Variants in ZPBP2 observed in about 807,000 individuals in gnomAD.
ZPBP2 encodes the protein zona pellucida-binding protein 2.
A neutral mutation model predicts 37.5 loss-of-function variants in ZPBP2; 34 were observed. That is an observed-to-expected ratio of 0.91 (90% CI 0.69 to 1.21). The LOEUF (loss-of-function observed/expected upper bound fraction) is 1.21. ZPBP2 is among the 50% of genes most tolerant of loss of function. ZPBP2 has a pLI of 0.00. For missense variants in ZPBP2, 397 were observed against 413.5 expected, an observed-to-expected ratio of 0.96 and a Z score of 0.35; for synonymous variants, 143 against 138.4, an observed-to-expected ratio of 1.03 and a Z score of -0.23.
At chr17:39,872,018 G>T (rs2063366986) in intron 4 of ZPBP2, among the ~76,000 whole-genome samples, 1 of 152,054 alleles carries the variant, frequency 6.6e-6, no homozygotes. Flanking sequence ...ACTGTTATCT[G>T]TATAGCCAAC....
At chr17:39,871,743 C>T in intron 4 of ZPBP2, 118 bp downstream of exon 4, 2 of 811,812 alleles carry the variant, frequency 2.5e-6, no homozygotes, top group South Asian at 2.8e-5. Context: ...TTATGACTTA[C>T]AAAATATTTT....
At chr17:39,869,405 CTTT>C (rs1555647285) in intron 2 of ZPBP2, among the ~76,000 whole-genome samples, 1,274 of 114,886 alleles carry the variant, frequency 0.011, 15 homozygotes, top group African/African-American at 0.041. Context: ...TTCCTTCCTT[CTTT>C]TTTTTTTTTT....
At chr17:39,875,596 T>TC (rs2063385883) in intron 7 of ZPBP2, among the ~76,000 whole-genome samples, 162 bp downstream of exon 7, 1 of 143,024 alleles carries the variant, frequency 7.0e-6, no homozygotes, top group Non-Finnish European at 1.6e-5. Flanking sequence ...AGCCCCAATT[T>TC]TTTTTTTTTT....
At position 39,871,587 on chromosome 17, in the gene ZPBP2, A is replaced by T; in HGVS notation, c.368A>T (p.Glu123Val). The T allele has an allele frequency of 6.3e-7, 1 of 1,596,544 alleles. No homozygotes were observed. The highest frequency in any genetic ancestry group is 1.2e-5 in the South Asian group (1 of 86,610). The change falls in exon 4 of 8, where the codon GAA (glutamate) becomes GTA (valine). Residue 123 changes from glutamate to valine, a missense_variant. By Grantham distance (121) the Glu-to-Val change is moderately radical. Transcript: ENST00000348931. ...ACTGTTAAAGCAGAAACTCAAGAAG[A>T]AAAAACAGTCAAAAAGAGATATGAC... The part of the protein sequence containing the change: ...YKTVKAETQE[E>V]KTVKKRYDFM...
At chr17:39,871,334 T>A in intron 3 of ZPBP2, 130 bp from the exon 4 acceptor site, 1 of 537,674 alleles carries the variant, frequency 1.9e-6, no homozygotes, top group Non-Finnish European at 3.1e-6. Flanking sequence ...AGAATTAAGA[T>A]TTTGTGGGAT....
rs1311048770 is a variant in ZPBP2, at chr17:39,876,823, GTTAC to G, written c.*21_*24del. 6.2e-7 allele frequency: 1 copy of G among 1,612,636 alleles called. No homozygotes were observed. Among genetic ancestry groups the G allele is most frequent in the Admixed American group, 1.7e-5 (1 of 59,988 alleles). ...TATGAAGATTAGAGGTGAAAGCATTGTTACTTACTTGTGGAAGTCGGGGACATAA... is the reference window on the plus strand; with the variant it reads ...TATGAAGATTAGAGGTGAAAGCATTGTTACTTGTGGAAGTCGGGGACATAA... On this transcript the variant is annotated 3_prime_UTR_variant, in exon 8 of 8. Coordinates refer to ENST00000348931, the MANE Select transcript of ZPBP2 (RefSeq NM_199321.3).
chr17:39,870,547 G>A (rs955419770), intron 2 of ZPBP2, 147 bp from the exon 3 acceptor site: 5 of 413,396 alleles, frequency 1.2e-5, no homozygotes, highest in Admixed American at 9.1e-5. Context: ...GACTTCAGAC[G>A]AGCGTTCTAA....
chr17:39,869,151 A>G (rs918895741), intron 2 of ZPBP2, among the ~76,000 whole-genome samples: 2 of 152,070 alleles, frequency 1.3e-5, no homozygotes, highest in Non-Finnish European at 2.9e-5. Context: ...CCCCAACCAA[A>G]TTGTAGGACG....
intron 2 of ZPBP2, among the ~76,000 whole-genome samples, chr17:39,868,872 A>G (rs923243093): frequency 1.3e-5 from 2 of 152,086 alleles, no homozygotes; most frequent in Non-Finnish European, 2.9e-5. Flanking sequence ...ATGCCATCTC[A>G]CTTCCAGGTG....
intron 6 of ZPBP2, 131 bp from the exon 7 acceptor site, chr17:39,875,123 A>G: frequency 1.3e-6 from 1 of 797,762 alleles, no homozygotes; most frequent in Non-Finnish European, 2.0e-6. Context: ...TGGTGTTAAC[A>G]CACACCTTTT....
At chr17:39,872,755 C>T (rs921101634) in intron 5 of ZPBP2, among the ~76,000 whole-genome samples, 5 of 152,120 alleles carry the variant, frequency 3.3e-5, no homozygotes, top group Non-Finnish European at 7.4e-5. Context: ...CTTATAACTT[C>T]TTACAGAATT....
Position 39,876,927 on chromosome 17 carries a change from A to G in ZPBP2, c.*118A>G. 7.6e-7 allele frequency: 1 copy of G among 1,317,358 alleles called. No individual in the cohort carries two copies. Among genetic ancestry groups the G allele is most frequent in the East Asian group, 2.4e-5 (1 of 41,580 alleles). The allele number at this position is 1,317,358 out of a possible 1,614,324, so 81.6% of individuals were successfully genotyped here. ...CAGTAAGACCAAACCACTGGAAAAC[A>G]TGCATTTTGGAAACTTTAAAATAAA... is the stretch of plus-strand genomic sequence containing the variant. On this transcript the variant is annotated 3_prime_UTR_variant, in exon 8 of 8. Coordinates refer to ENST00000348931, the MANE Select transcript of ZPBP2 (RefSeq NM_199321.3).
At position 39,873,133 on chromosome 17, in the gene ZPBP2, A is replaced by G. The variant is rs1229368759; in HGVS notation, c.708+7A>G. On this transcript the variant is annotated splice_region_variant and intron_variant, in intron 6 of 7. Transcript: ENST00000348931. ...TAATCATAATATCCTCCAGGTGAGA[A>G]TTTCATGGTAAGGAAGAAGTATTTG... 1.2e-5 allele frequency: 19 copies of G among 1,603,184 alleles called. No individual in the cohort carries two copies. The highest frequency in any genetic ancestry group is 1.5e-5 in the Non-Finnish European group (18 of 1,176,160).
intron 2 of ZPBP2, among the ~76,000 whole-genome samples, chr17:39,870,113 G>A (rs933918566): frequency 3.9e-5 from 6 of 151,926 alleles, no homozygotes; most frequent in Non-Finnish European, 7.4e-5. Flanking sequence ...GTGCACTCTC[G>A]GCTCACTGCA....
At chr17:39,871,823 G>A (rs2063366183) in intron 4 of ZPBP2, among the ~76,000 whole-genome samples, 198 bp downstream of exon 4, 1 of 152,036 alleles carries the variant, frequency 6.6e-6, no homozygotes, top group Admixed American at 6.6e-5. Flanking sequence ...TCTTCTTTCA[G>A]CTCCCTACTT....
At chr17:39,874,791 G>A (rs916480915) in intron 6 of ZPBP2, among the ~76,000 whole-genome samples, 12 of 151,200 alleles carry the variant, frequency 7.9e-5, no homozygotes, top group South Asian at 4.2e-4. Context: ...TCGCTCTGTC[G>A]CCAGGCTGGA....
chr17:39,872,926 A>T (rs893991220), intron 5 of ZPBP2, 118 bp from the exon 6 acceptor site: 24 of 789,920 alleles, frequency 3.0e-5, no homozygotes, highest in Non-Finnish European at 4.3e-5. Context: ...TACTAGGATT[A>T]GATAGCTGGA....
chr17:39,875,602 T>G (rs558548522), intron 7 of ZPBP2, among the ~76,000 whole-genome samples, 168 bp downstream of exon 7: 7 of 152,054 alleles, frequency 4.6e-5, no homozygotes, highest in Non-Finnish European at 8.8e-5. Context: ...AATTTTTTTT[T>G]TTTTTGTTTT....
chr17:39,872,127 A>T (rs1278136875), intron 4 of ZPBP2, 143 bp from the exon 5 acceptor site: 2 of 569,290 alleles, frequency 3.5e-6, no homozygotes, highest in East Asian at 6.1e-5. Flanking sequence ...TTTTGTGAGG[A>T]CTAACTGATA....
Sources: gnomAD v4.1 joint callset for allele counts (sites outside exome capture counted in the v4.1 genomes callset) on GRCh38, gnomAD v4.1.1 for gene constraint, MANE v1.5 for transcripts, NCBI Gene and HGNC (gene_info 2026-07-23, HGNC 2026-07-21) for gene names.